The following TIA1 variants were observed in gnomAD, a reference collection of about 807,000 sequenced individuals.
TIA1 encodes cytotoxic granule associated RNA binding protein TIA1.
A neutral mutation model predicts 65.9 loss-of-function variants in TIA1; 23 were observed. The observed-to-expected ratio is 0.35, with a 90% CI of 0.25 to 0.49. The LOEUF (loss-of-function observed/expected upper bound fraction) is 0.49, where lower values mean the gene tolerates loss of function less well. Ranked by LOEUF, TIA1 falls within the 20% of genes least tolerant of loss-of-function variation. The pLI is 0.98. For synonymous variants in TIA1, 147 were observed against 149.4 expected (o/e 0.98, Z 0.12); for missense variants, 371 against 477.9 (o/e 0.78, Z 2.09).
intron 1 of TIA1, among the ~76,000 whole-genome samples, chr2:70,243,222 T>C (rs1489907197): frequency 6.6e-6 from 1 of 152,194 alleles, no homozygotes; most frequent in African/African-American, 2.4e-5. Flanking sequence ...GCCCAGGAGT[T>C]GGAGACCAGC....
chr2:70,211,710 T>C lies in TIA1; in HGVS notation c.*1009A>G, dbSNP rs936328656. ...AAAGACTACCAAAGTATGTATTTGATTTTCACATGCAAACAACTTAAAACC... is the reference window on the plus strand; with the variant it reads ...AAAGACTACCAAAGTATGTATTTGACTTTCACATGCAAACAACTTAAAACC... On this transcript the variant is annotated 3_prime_UTR_variant, in exon 13 of 13. Transcript: ENST00000433529. The C allele has an allele frequency of 1.3e-5, 2 of 152,652 alleles. No individual in the cohort carries two copies. Among genetic ancestry groups the C allele is most frequent in the African/African-American group, 2.4e-5 (1 of 41,466 alleles). 9.5% of individuals were successfully genotyped at this position (152,652 alleles called of 1,614,324 possible). A position where few individuals can be genotyped will look rare whatever the true frequency, so the allele number is the denominator to read the frequency against.
chr2:70,217,454 A>G (rs1054658892), intron 7 of TIA1, among the ~76,000 whole-genome samples: 8 of 149,726 alleles, frequency 5.3e-5, no homozygotes, highest in African/African-American at 1.7e-4. Context: ...CTGGAGTGTA[A>G]TGGCGTGATC....
At chr2:70,247,948 GAGA>G (rs1425163777) in intron 1 of TIA1, among the ~76,000 whole-genome samples, 2 of 151,804 alleles carry the variant, frequency 1.3e-5, no homozygotes, top group African/African-American at 4.8e-5. Flanking sequence ...TCTTATCACC[GAGA>G]AGAAAATGAA....
chr2:70,222,809 G>A (rs938189402), intron 7 of TIA1, among the ~76,000 whole-genome samples: 2 of 152,212 alleles, frequency 1.3e-5, no homozygotes, highest in Non-Finnish European at 2.9e-5. Context: ...AGCTACTTGG[G>A]AGGCTGAGGC....
At chr2:70,246,203 C>T (rs546265505) in intron 1 of TIA1, among the ~76,000 whole-genome samples, 22 of 152,242 alleles carry the variant, frequency 1.4e-4, no homozygotes, top group Admixed American at 1.3e-3. Context: ...GGATTATAGG[C>T]GTGAGCCACT....
At chr2:70,213,212 C>T (rs549047671) in intron 12 of TIA1, among the ~76,000 whole-genome samples, 1 of 152,198 alleles carries the variant, frequency 6.6e-6, no homozygotes, top group South Asian at 2.1e-4. Flanking sequence ...GAGGAAACCA[C>T]TACCTGAAAG....
At position 70,211,522 on chromosome 2, in the gene TIA1, A is replaced by T. The variant is rs2103795376; in HGVS notation, c.*1197T>A. 2 of 152,352 alleles carry T rather than the reference A, an allele frequency of 1.3e-5. No individual in the cohort carries two copies. The highest frequency in any genetic ancestry group is 4.1e-4 in the South Asian group (2 of 4,830). 9.4% of individuals were successfully genotyped at this position (152,352 alleles called of 1,614,324 possible). On this transcript the variant is annotated 3_prime_UTR_variant, in exon 13 of 13. Transcript: ENST00000433529. Reference sequence around the variant, plus strand: ...GAGGTCACAATGAACTCCAAGCCTGACACAAAGATATTCTACAGTTTCACA... The same window carrying T: ...GAGGTCACAATGAACTCCAAGCCTGTCACAAAGATATTCTACAGTTTCACA...
At chr2:70,224,501 G>A in intron 7 of TIA1, 53 bp downstream of exon 7, 1 of 1,608,924 alleles carries the variant, frequency 6.2e-7, no homozygotes, top group Non-Finnish European at 8.5e-7. Context: ...AAAACGGAGT[G>A]TTTCCATTCT....
intron 2 of TIA1, among the ~76,000 whole-genome samples, chr2:70,235,543 T>A (rs956177561): frequency 7.1e-6 from 1 of 141,694 alleles, no homozygotes; most frequent in Non-Finnish European, 1.6e-5. Context: ...GATGAATGAG[T>A]GTGTGTGTGT....
At chr2:70,237,682 A>G (rs1689603111) in intron 1 of TIA1, among the ~76,000 whole-genome samples, 1 of 151,708 alleles carries the variant, frequency 6.6e-6, no homozygotes, top group African/African-American at 2.4e-5. Context: ...TGGCCAACAC[A>G]GTGAAACCCC....
At position 70,236,073 on chromosome 2, in the gene TIA1, C is replaced by A; in HGVS notation, c.123+6G>T. 3 of 1,548,780 alleles carry A rather than the reference C, an allele frequency of 1.9e-6. No homozygotes were observed. The highest frequency in any genetic ancestry group is 1.7e-4 in the Middle Eastern group (1 of 5,846). On this transcript the variant is annotated splice_donor_region_variant and intron_variant, in intron 2 of 12. Coordinates refer to ENST00000433529, the MANE Select transcript of TIA1 (RefSeq NM_022173.4). ...GAATAAAGTTAACTAAGTAAAATACCCTTACATCCATAATCATTTTGCAGT... is the reference window on the plus strand; with the variant it reads ...GAATAAAGTTAACTAAGTAAAATACACTTACATCCATAATCATTTTGCAGT...
Position 70,248,602 on chromosome 2 carries a change from A to G in TIA1, c.-172T>C. The G allele has an allele frequency of 1.1e-6, 1 of 909,226 alleles. No homozygotes were observed. Among genetic ancestry groups the G allele is most frequent in the South Asian group, 1.4e-5 (1 of 69,420 alleles). 56.3% of individuals were successfully genotyped at this position (909,226 alleles called of 1,614,324 possible). On this transcript the variant is annotated 5_prime_UTR_variant, in exon 1 of 13. Coordinates refer to ENST00000433529, the MANE Select transcript of TIA1 (RefSeq NM_022173.4). ...CTAAACCGCCCGGCCCAGCGGGAAC[A>G]ATGAAACCCCAATACAAGATGGCGG...
At chr2:70,240,634 C>T (rs987318798) in intron 1 of TIA1, among the ~76,000 whole-genome samples, 9 of 152,122 alleles carry the variant, frequency 5.9e-5, no homozygotes, top group Admixed American at 2.6e-4. Context: ...TTTGGGAGGC[C>T]GAGGTAGGCA....
chr2:70,236,901 A>G (rs80313284), intron 1 of TIA1, among the ~76,000 whole-genome samples: 10 of 152,124 alleles, frequency 6.6e-5, no homozygotes, highest in Non-Finnish European at 8.8e-5. Context: ...GTGTAATCTT[A>G]AAGATTACAG....
intron 5 of TIA1, chr2:70,228,527 G>A (rs1684736769): frequency 9.7e-6 from 11 of 1,139,416 alleles, no homozygotes; most frequent in Non-Finnish European, 1.2e-5. Flanking sequence ...AAAAAGCATT[G>A]GAGAGAAATA....
chr2:70,220,809 A>G (rs1223142236), intron 7 of TIA1, among the ~76,000 whole-genome samples: 1 of 151,836 alleles, frequency 6.6e-6, no homozygotes, highest in Admixed American at 6.6e-5. Flanking sequence ...CTTGAGAATT[A>G]TAGCCAAGAA....
intron 1 of TIA1, among the ~76,000 whole-genome samples, chr2:70,241,855 A>T (rs773216253): frequency 1.3e-5 from 2 of 152,024 alleles, no homozygotes; most frequent in Non-Finnish European, 2.9e-5. Context: ...GAAGTGAACA[A>T]TGATTGTGCC....
rs1682990159 is a variant in TIA1 at position 70,224,536 on chromosome 2, A to T, written c.474+18T>A. 1 of 1,613,920 alleles carries T rather than the reference A, an allele frequency of 6.2e-7. No individual in the cohort carries two copies. Among genetic ancestry groups the T allele is most frequent in the South Asian group, 1.1e-5 (1 of 91,088 alleles). ...TTTACTCTTTAAGCATTATCCATGC[A>T]CTTCTCACTGAGCTCACCCATTTGT... On this transcript the variant is annotated intron_variant, in intron 7 of 12. Transcript: ENST00000433529.
Position 70,212,434 on chromosome 2 carries a change from TAGTTAA to T in TIA1, c.*279_*284del, listed in dbSNP as rs1444373474. 1.1e-5 allele frequency: 3 copies of T among 276,858 alleles called. No homozygotes were observed. The Admixed American group carries it at 1.3e-4, about 12-fold the overall frequency. The allele number at this position is 276,858 out of a possible 1,614,324, so 17.2% of individuals were successfully genotyped here. ...TATTGTGCAATTTTCTGCCTCTTAA[TAGTTAA>T]AAAGTGGCAGCAATCCCTGCATTTG... On this transcript the variant is annotated 3_prime_UTR_variant, in exon 13 of 13. Coordinates refer to ENST00000433529, the MANE Select transcript of TIA1 (RefSeq NM_022173.4).
Sources: gnomAD v4.1 joint callset for allele counts (sites outside exome capture counted in the v4.1 genomes callset) on GRCh38, gnomAD v4.1.1 for gene constraint, MANE v1.5 for transcripts, NCBI Gene and HGNC (gene_info 2026-07-23, HGNC 2026-07-21) for gene names.